The following IQCJ variants were observed in gnomAD, a reference collection of about 807,000 sequenced individuals.
IQCJ encodes IQ motif containing J.
IQCJ carries 9 observed loss-of-function variants against 11.0 expected under a neutral mutation model. The observed-to-expected ratio is 0.82, with a 90% CI of 0.49 to 1.43. IQCJ has a LOEUF of 1.43. Ranked by LOEUF, IQCJ falls within the 40% of genes most tolerant of loss-of-function variation. IQCJ has a pLI of 0.00. For missense variants in IQCJ, 146 were observed against 133.2 expected, an observed-to-expected ratio of 1.10 and a Z score of -0.47; for synonymous variants, 55 against 51.3, an observed-to-expected ratio of 1.07 and a Z score of -0.31.
Position 159,262,921 on chromosome 3 carries a change from T to A in IQCJ, c.*190T>A, listed in dbSNP as rs1728301576. ...CTGGAGAAAATAGATTGCATTTATG[T>A]GTTCTCATTTCTCTATTATGGAGGT... On this transcript the variant is annotated 3_prime_UTR_variant, in exon 4 of 4. Transcript: ENST00000397832. 10 of 1,358,824 alleles carry A rather than the reference T, an allele frequency of 7.4e-6. No individual in the cohort carries two copies. The South Asian group carries it at 2.1e-4, about 29-fold the overall frequency. 84.2% of individuals were successfully genotyped at this position (1,358,824 alleles called of 1,614,324 possible).
chr3:159,140,688 C>T (rs1270145363), intron 1 of IQCJ, among the ~76,000 whole-genome samples: 1 of 152,184 alleles, frequency 6.6e-6, no homozygotes, highest in Non-Finnish European at 1.5e-5. Flanking sequence ...TGCTACACAG[C>T]AACTGTGAAT....
intron 1 of IQCJ, among the ~76,000 whole-genome samples, chr3:159,180,900 C>T (rs1178455687): frequency 6.6e-6 from 1 of 151,956 alleles, no homozygotes; most frequent in Non-Finnish European, 1.5e-5. Flanking sequence ...AGTTATATGT[C>T]CAGCTCTGTA....
intron 1 of IQCJ, among the ~76,000 whole-genome samples, chr3:159,116,750 C>T (rs749990421): frequency 1.3e-5 from 2 of 149,808 alleles, no homozygotes; most frequent in Non-Finnish European, 3.0e-5. Flanking sequence ...CTAAACATCT[C>T]TGTAAACCTT....
chr3:159,198,704 A>G (rs141980081), intron 1 of IQCJ, among the ~76,000 whole-genome samples: 1 of 152,196 alleles, frequency 6.6e-6, no homozygotes, highest in Admixed American at 6.5e-5. Context: ...TTGCTGTATT[A>G]GACAAGATAA....
intron 1 of IQCJ, among the ~76,000 whole-genome samples, chr3:159,126,744 A>G (rs928861830): frequency 6.6e-6 from 1 of 152,302 alleles, no homozygotes; most frequent in Admixed American, 6.5e-5. Context: ...GGTCGAAGCA[A>G]TCTTTCCAGG....
intron 1 of IQCJ, among the ~76,000 whole-genome samples, chr3:159,072,795 G>T (rs1715661792): frequency 6.6e-6 from 1 of 152,028 alleles, no homozygotes; most frequent in Non-Finnish European, 1.5e-5. Flanking sequence ...TAATTAACTT[G>T]TCTGAGTTTG....
intron 1 of IQCJ, among the ~76,000 whole-genome samples, chr3:159,165,914 C>T (rs1722141808): frequency 6.6e-6 from 1 of 151,610 alleles, no homozygotes; most frequent in Admixed American, 6.6e-5. Flanking sequence ...AGGCATGAGC[C>T]ACCGCGCCCG....
chr3:159,138,397 A>C (rs528459542), intron 1 of IQCJ, among the ~76,000 whole-genome samples: 2 of 152,294 alleles, frequency 1.3e-5, no homozygotes, highest in Admixed American at 6.5e-5. Context: ...AGCTAAAAAA[A>C]CCCATAAAAT....
chr3:159,101,107 A>G (rs1180996799), intron 1 of IQCJ, among the ~76,000 whole-genome samples: 8 of 131,590 alleles, frequency 6.1e-5, no homozygotes, highest in African/African-American at 2.1e-4. Context: ...AAAGCGCAAT[A>G]TTCGGGTGGG....
At chr3:159,153,160 C>A (rs533607959) in intron 1 of IQCJ, among the ~76,000 whole-genome samples, 6 of 151,974 alleles carry the variant, frequency 3.9e-5, no homozygotes, top group Non-Finnish European at 7.4e-5. Flanking sequence ...GGCATACTGA[C>A]GGAATTATAA....
intron 1 of IQCJ, among the ~76,000 whole-genome samples, chr3:159,200,104 A>AATATATATATATATATATATATATAT (rs539820364): frequency 0.01 from 1,210 of 116,128 alleles, 43 homozygotes; most frequent in African/African-American, 0.016. Context: ...TTTATACATA[A>AATATATATATATATATATATATATAT]ATATATATAT....
At chr3:159,077,887 A>G (rs1218672529) in intron 1 of IQCJ, among the ~76,000 whole-genome samples, 4 of 152,120 alleles carry the variant, frequency 2.6e-5, no homozygotes, top group South Asian at 2.1e-4. Flanking sequence ...TTAAAAAATT[A>G]GTCCTTCTTG....
chr3:159,160,157 C>T (rs747053049), intron 1 of IQCJ, among the ~76,000 whole-genome samples: 8 of 152,234 alleles, frequency 5.3e-5, no homozygotes, highest in South Asian at 4.1e-4. Flanking sequence ...GACTGAGGTT[C>T]GGCAAAACTT....
At chr3:159,198,828 T>TA (rs896927499) in intron 1 of IQCJ, among the ~76,000 whole-genome samples, 2 of 152,052 alleles carry the variant, frequency 1.3e-5, no homozygotes, top group African/African-American at 4.8e-5. Flanking sequence ...TGAATTTAAG[T>TA]AAAAAAAGAG....
At chr3:159,249,043 A>G (rs1435569922) in intron 2 of IQCJ, among the ~76,000 whole-genome samples, 1 of 152,004 alleles carries the variant, frequency 6.6e-6, no homozygotes, top group African/African-American at 2.4e-5. Context: ...TTTAGTAGAG[A>G]CAGGGTTTCA....
At chr3:159,148,470 C>G (rs1219602540) in intron 1 of IQCJ, among the ~76,000 whole-genome samples, 1 of 152,182 alleles carries the variant, frequency 6.6e-6, no homozygotes, top group African/African-American at 2.4e-5. Flanking sequence ...ATTTTATTCA[C>G]AAAGTAAAAA....
At chr3:159,209,592 C>G (rs115878833) in intron 1 of IQCJ, among the ~76,000 whole-genome samples, 1 of 152,166 alleles carries the variant, frequency 6.6e-6, no homozygotes, top group African/African-American at 2.4e-5. Context: ...AACACACGTC[C>G]TCTGGGGCTC....
chr3:159,245,606 C>T (rs141237989), intron 1 of IQCJ, among the ~76,000 whole-genome samples: 93 of 152,082 alleles, frequency 6.1e-4, no homozygotes, highest in African/African-American at 2.2e-3. Context: ...GGACTACAGG[C>T]ACCTGCTACC....
At chr3:159,160,639 G>C (rs545280486) in intron 1 of IQCJ, among the ~76,000 whole-genome samples, 420 of 151,212 alleles carry the variant, frequency 2.8e-3, no homozygotes, top group South Asian at 0.01. Flanking sequence ...CCATTAACTC[G>C]TCATTTAGCA....
Sources: allele counts gnomAD v4.1 joint callset (sites outside exome capture counted in the v4.1 genomes callset), GRCh38; gene constraint gnomAD v4.1.1; transcripts MANE v1.5; gene names NCBI Gene and HGNC (gene_info 2026-07-23, HGNC 2026-07-21).